The following LVRN variants were observed in gnomAD, a reference collection of about 807,000 sequenced individuals.
LVRN encodes laeverin, also known as aminopeptidase Q.
LVRN carries 99 observed loss-of-function variants against 111.4 expected under a neutral mutation model. The observed-to-expected ratio is 0.89, with a 90% CI of 0.76 to 1.05. The LOEUF is 1.05. Ranked by LOEUF, LVRN falls within the 50% of genes least tolerant of loss-of-function variation. LVRN has a pLI of 0.00. For missense variants in LVRN, 1,414 were observed against 1,206.8 expected, an observed-to-expected ratio of 1.17 and a Z score of -2.54; for synonymous variants, 488 against 449.5, an observed-to-expected ratio of 1.09 and a Z score of -1.08.
intron 3 of LVRN, among the ~76,000 whole-genome samples, chr5:115,985,583 G>T (rs527396852): frequency 6.6e-6 from 1 of 152,294 alleles, no homozygotes; most frequent in African/African-American, 2.4e-5. Context: ...CTCAAGGTTA[G>T]TCAGAAGTTA....
intron 11 of LVRN, 51 bp from the exon 12 acceptor site, chr5:116,003,190 A>G (rs1748275784): frequency 6.8e-7 from 1 of 1,472,984 alleles, no homozygotes; most frequent in Admixed American, 2.2e-5. Context: ...AATAGGTATT[A>G]AGATCTTTTT....
At chr5:116,002,491 G>T (rs1251040542) in intron 10 of LVRN, among the ~76,000 whole-genome samples, 1 of 152,182 alleles carries the variant, frequency 6.6e-6, no homozygotes, top group African/African-American at 2.4e-5. Flanking sequence ...ACGGATTTAG[G>T]TCTGTTTGCA....
At chr5:116,005,850 T>A (rs1441823375) in intron 12 of LVRN, 62 bp from the exon 13 acceptor site, 2 of 1,401,276 alleles carry the variant, frequency 1.4e-6, no homozygotes, top group Non-Finnish European at 2.0e-6. Flanking sequence ...GTTGTTATTT[T>A]GAAAACTTTG....
rs1451691992 is a variant in LVRN, at chr5:115,963,245, G to A, written c.628G>A (p.Gly210Ser). ...SSYELQLSFS[G>S]LVKEDLREGL... is the part of the protein sequence containing the mutation. Reference sequence around the variant, plus strand: ...CTACGAGCTGCAGCTTAGCTTCTCGGGCCTGGTGAAGGAAGACCTCAGGGA... The same window carrying A: ...CTACGAGCTGCAGCTTAGCTTCTCGAGCCTGGTGAAGGAAGACCTCAGGGA... Residue 210 changes from glycine (G) to serine (S), a missense_variant, in exon 1 of 20, where the codon GGC becomes AGC. Transcript: ENST00000357872. 1 of 1,612,854 alleles carries A rather than the reference G, an allele frequency of 6.2e-7. No homozygotes were observed. The highest frequency in any genetic ancestry group is 8.5e-7 in the Non-Finnish European group (1 of 1,179,912).
At chr5:116,017,286 G>T in intron 18 of LVRN, among the ~76,000 whole-genome samples, 1 of 152,206 alleles carries the variant, frequency 6.6e-6, no homozygotes, top group East Asian at 1.9e-4. Context: ...AAGGACAGGG[G>T]TTAACAGGCC....
At chr5:115,995,032 C>G (rs17138603) in intron 6 of LVRN, among the ~76,000 whole-genome samples, 1 of 152,158 alleles carries the variant, frequency 6.6e-6, no homozygotes, top group Non-Finnish European at 1.5e-5. Flanking sequence ...GGCTGGATTA[C>G]TGACCTCTTT....
intron 1 of LVRN, chr5:115,976,420 G>C (rs1362720995): frequency 6.6e-6 from 1 of 152,032 alleles, no homozygotes; most frequent in Non-Finnish European, 1.5e-5. Context: ...TTTCTCTATT[G>C]ATTTTCTGTT....
chr5:115,994,451 T>G (rs1748062852), intron 6 of LVRN, among the ~76,000 whole-genome samples: 1 of 152,140 alleles, frequency 6.6e-6, no homozygotes, highest in African/African-American at 2.4e-5. Flanking sequence ...TTTTGTATTG[T>G]TTGTAGAGAC....
At chr5:115,980,788 T>C (rs1447617439) in intron 1 of LVRN, among the ~76,000 whole-genome samples, 2 of 152,136 alleles carry the variant, frequency 1.3e-5, no homozygotes, top group South Asian at 2.1e-4. Flanking sequence ...TTTTTTAATA[T>C]GCCACCAGTT....
At chr5:116,008,196 C>A (rs962476196) in intron 13 of LVRN, among the ~76,000 whole-genome samples, 8 of 151,828 alleles carry the variant, frequency 5.3e-5, no homozygotes, top group Non-Finnish European at 2.9e-5. Context: ...CAAAAAAAAT[C>A]AGCCAGGTGT....
chr5:115,999,621 A>G, intron 6 of LVRN, 141 bp from the exon 7 acceptor site: 1 of 812,530 alleles, frequency 1.2e-6, no homozygotes, highest in African/African-American at 1.8e-5. Flanking sequence ...TTTATTTGGC[A>G]TATTTCAACT....
Position 115,962,773 on chromosome 5 carries a change from G to C in LVRN, c.156G>C (p.Arg52Ser). ...RVPPSELPGL[R>S]DLEAESSPPL... ...CACCGTCGGAGCTGCCTGGACTCAG[G>C]GACTTGGAAGCCGAGTCTTCCCCTC... is the stretch of plus-strand genomic sequence containing the variant. The change falls in exon 1 of 20, where the codon AGG becomes AGC. Residue 52 changes from arginine (R) to serine (S), a missense_variant. Transcript: ENST00000357872. The C allele has an allele frequency of 6.2e-7, 1 of 1,611,492 alleles. No homozygotes were observed. The highest frequency in any genetic ancestry group is 8.5e-7 in the Non-Finnish European group (1 of 1,178,962).
intron 9 of LVRN, 26 bp from the exon 10 acceptor site, chr5:116,001,032 ACCTTACCTG>A: frequency 6.4e-7 from 1 of 1,563,500 alleles, no homozygotes; most frequent in Non-Finnish European, 8.6e-7. Flanking sequence ...TTCACGGATA[ACCTTACCTG>A]CCTTTGTGGT....
At chr5:115,966,253 C>T (rs183086576) in intron 1 of LVRN, among the ~76,000 whole-genome samples, 1 of 152,268 alleles carries the variant, frequency 6.6e-6, no homozygotes, top group South Asian at 2.1e-4. Context: ...CCCTGACAAC[C>T]ACTAATCCGT....
intron 4 of LVRN, 97 bp from the exon 5 acceptor site, chr5:115,992,026 T>A: frequency 1.7e-6 from 2 of 1,197,230 alleles, no homozygotes; most frequent in South Asian, 1.6e-5. Flanking sequence ...TTCCCTTGAA[T>A]TTTTTGGTAA....
chr5:116,020,722 G>A (rs1748709223), intron 18 of LVRN, among the ~76,000 whole-genome samples: 1 of 152,176 alleles, frequency 6.6e-6, no homozygotes, highest in Admixed American at 6.5e-5. Context: ...GGATGCCTTG[G>A]TGTTCCCATG....
chr5:116,018,274 G>A (rs1350413069), intron 18 of LVRN, among the ~76,000 whole-genome samples: 1 of 152,050 alleles, frequency 6.6e-6, no homozygotes, highest in African/African-American at 2.4e-5. Context: ...CTGATTCCCG[G>A]TTCTCTATTT....
intron 1 of LVRN, among the ~76,000 whole-genome samples, chr5:115,968,744 A>G (rs2112549957): frequency 6.6e-6 from 1 of 152,384 alleles, no homozygotes; most frequent in East Asian, 1.9e-4. Context: ...TTCTGACGGT[A>G]TAACCCTCAG....
At position 115,993,832 on chromosome 5, in the gene LVRN, A is replaced by G. The variant is rs145831521; in HGVS notation, c.1352A>G (p.Tyr451Cys). The G allele has an allele frequency of 1.8e-3, 2,868 of 1,600,680 alleles. 15 individuals carry two copies. Among genetic ancestry groups the G allele is most frequent in the South Asian group, 3.8e-3 (337 of 88,356 alleles). The change falls in exon 6 of 20, where the codon TAC (tyrosine) becomes TGC (cysteine). Residue 451 changes from tyrosine to cysteine, a missense_variant. Tyr to Cys is a radical substitution (Grantham distance 194). Transcript: ENST00000357872. Reference protein sequence around the residue: ...ASYFEFEVINYFNPKLPRNEI... With the variant: ...ASYFEFEVINCFNPKLPRNEI... ...TATTTTGAGTTTGAAGTAATTAACT[A>G]CTTTAATCCTAAACTCCCAAGAGTA...
Sources: allele counts gnomAD v4.1 joint callset (sites outside exome capture counted in the v4.1 genomes callset), GRCh38; gene constraint gnomAD v4.1.1; transcripts MANE v1.5; gene names NCBI Gene and HGNC (gene_info 2026-07-23, HGNC 2026-07-21).